The following ASAP1 variants were observed in gnomAD, a reference collection of about 807,000 sequenced individuals.
ASAP1 encodes arf-GAP with SH3 domain, ANK repeat and PH domain-containing protein 1.
Under a neutral mutation model 145.2 loss-of-function variants are expected in ASAP1, and 43 were observed. That is an observed-to-expected ratio of 0.30 (90% CI 0.23 to 0.38). The LOEUF is 0.38. Ranked by LOEUF, ASAP1 falls within the 10% of genes least tolerant of loss-of-function variation. The pLI is 1.00. For missense variants in ASAP1, 1,018 were observed against 1,355.3 expected, an observed-to-expected ratio of 0.75 and a Z score of 3.91; for synonymous variants, 546 against 515.5, an observed-to-expected ratio of 1.06 and a Z score of -0.80.
intron 27 of ASAP1, among the ~76,000 whole-genome samples, chr8:130,070,507 G>T (rs2097440840): frequency 1.3e-5 from 2 of 152,048 alleles, no homozygotes; most frequent in African/African-American, 4.8e-5. Context: ...GTGCTGGCAG[G>T]GACAAACTCT....
At chr8:130,395,555 C>T (rs980083500) in intron 2 of ASAP1, among the ~76,000 whole-genome samples, 3 of 152,182 alleles carry the variant, frequency 2.0e-5, no homozygotes, top group East Asian at 1.9e-4. Flanking sequence ...CTGCTGGTGA[C>T]ACCAGACACT....
intron 3 of ASAP1, among the ~76,000 whole-genome samples, chr8:130,321,037 G>T (rs138291073): frequency 6.6e-6 from 1 of 152,320 alleles, no homozygotes; most frequent in East Asian, 1.9e-4. Flanking sequence ...AATGCTGGCT[G>T]AGGAAACCTA....
At chr8:130,373,109 T>TACACAC (rs147535116) in intron 2 of ASAP1, among the ~76,000 whole-genome samples, 1,766 of 127,622 alleles carry the variant, frequency 0.014, 40 homozygotes, top group East Asian at 0.019. Context: ...CAGAAATACA[T>TACACAC]ATACACACAC....
At chr8:130,156,807 A>G (rs2097659027) in intron 12 of ASAP1, among the ~76,000 whole-genome samples, 1 of 152,244 alleles carries the variant, frequency 6.6e-6, no homozygotes. Context: ...TGGCAGGCAT[A>G]CACAGGTGCT....
At chr8:130,352,255 A>ATT (rs1586888203) in intron 3 of ASAP1, among the ~76,000 whole-genome samples, 2 of 148,528 alleles carry the variant, frequency 1.3e-5, no homozygotes, top group South Asian at 4.2e-4. Context: ...CTTGGGGGTA[A>ATT]TTAATGGGCT....
intron 3 of ASAP1, among the ~76,000 whole-genome samples, chr8:130,330,627 A>G (rs2994298): frequency 0.18 from 27,249 of 152,288 alleles, 2,855 homozygotes; most frequent in Non-Finnish European, 0.24. Context: ...CTTCATGAGC[A>G]TTTAAGGTTT....
rs139702752 is a variant in ASAP1, at chr8:130,070,227, C to T, written c.2701+6121G>A. On this transcript the variant is annotated intron_variant, in intron 27 of 29. Transcript: ENST00000518721. ...AATTTTTTCTATTTTTTAGTAGAGA[C>T]GGGGTTTCACCGTGTTAGCCAGGAT... Among the ~76,000 whole-genome samples the T allele has an allele frequency of 3.7e-3, 570 of 152,176 alleles. 26 individuals are homozygous for T. The East Asian group carries it at 0.083, about 22-fold the overall frequency.
At chr8:130,249,581 C>T (rs185520505) in intron 3 of ASAP1, among the ~76,000 whole-genome samples, 5 of 152,298 alleles carry the variant, frequency 3.3e-5, no homozygotes, top group Admixed American at 1.3e-4. Flanking sequence ...CACTGCCCCC[C>T]TTCCCCAATT....
chr8:130,090,911 A>G (rs1564947374), intron 25 of ASAP1, among the ~76,000 whole-genome samples: 1 of 152,230 alleles, frequency 6.6e-6, no homozygotes, highest in Admixed American at 6.5e-5. Context: ...GAAAGCCACA[A>G]TGAAACTCCA....
intron 3 of ASAP1, among the ~76,000 whole-genome samples, chr8:130,238,249 C>T (rs1218535031): frequency 6.6e-6 from 1 of 152,150 alleles, no homozygotes; most frequent in Non-Finnish European, 1.5e-5. Flanking sequence ...GAAACAAGGA[C>T]CACAATGCTC....
chr8:130,140,443 G>A (rs1341672565), intron 13 of ASAP1, among the ~76,000 whole-genome samples: 1 of 151,808 alleles, frequency 6.6e-6, no homozygotes, highest in African/African-American at 2.4e-5. Context: ...ACAGGGGTTT[G>A]TTGTACGTAT....
chr8:130,407,926 C>G (rs1829105944), intron 1 of ASAP1, among the ~76,000 whole-genome samples: 1 of 152,190 alleles, frequency 6.6e-6, no homozygotes, highest in South Asian at 2.1e-4. Flanking sequence ...TAATATCAAA[C>G]CAAGCACTTT....
chr8:130,294,580 C>T (rs1443160874), intron 3 of ASAP1, among the ~76,000 whole-genome samples: 1 of 152,202 alleles, frequency 6.6e-6, no homozygotes, highest in Admixed American at 6.5e-5. Context: ...TGAGATAATA[C>T]ATCTAAAGTA....
At chr8:130,394,287 C>T (rs941430865) in intron 2 of ASAP1, among the ~76,000 whole-genome samples, 7 of 152,158 alleles carry the variant, frequency 4.6e-5, no homozygotes, top group Admixed American at 3.3e-4. Flanking sequence ...AGAGAATGCG[C>T]CCCTGAGGGT....
intron 3 of ASAP1, among the ~76,000 whole-genome samples, chr8:130,273,646 C>G (rs1395816887): frequency 1.3e-5 from 2 of 152,150 alleles, no homozygotes; most frequent in Non-Finnish European, 1.5e-5. Context: ...GTCTACAAAC[C>G]TCACTTCCAG....
intron 26 of ASAP1, among the ~76,000 whole-genome samples, chr8:130,076,936 C>T (rs556473057): frequency 6.6e-6 from 1 of 152,362 alleles, no homozygotes; most frequent in Admixed American, 6.5e-5. Context: ...CCAACTCCTC[C>T]ACTTCAAAGC....
chr8:130,386,926 T>C (rs2138442654), intron 2 of ASAP1: 1 of 152,316 alleles, frequency 6.6e-6, no homozygotes, highest in African/African-American at 2.4e-5. Context: ...CAAGAAAACC[T>C]TTGTAGCTGT....
At position 130,237,003 on chromosome 8, in the gene ASAP1, G is replaced by C. The variant is rs758344493; in HGVS notation, c.187-9C>G. ...CTATCTTGGTCTAGAGCCTAAAAGA[G>C]AAAAAAGGGGGAAAAGATATTAGAA... On this transcript the variant is annotated splice_polypyrimidine_tract_variant and intron_variant, in intron 3 of 29. Coordinates refer to ENST00000518721, the MANE Select transcript of ASAP1 (RefSeq NM_018482.4). The C allele has an allele frequency of 1.9e-5, 30 of 1,552,006 alleles. No individual in the cohort carries two copies. The highest frequency in any genetic ancestry group is 2.4e-5 in the Non-Finnish European group (27 of 1,147,822).
chr8:130,174,420 T>G (rs942231661), intron 9 of ASAP1, among the ~76,000 whole-genome samples: 1 of 152,214 alleles, frequency 6.6e-6, no homozygotes, highest in African/African-American at 2.4e-5. Flanking sequence ...CTCTATAAAT[T>G]ACTGTAACAT....
Sources: gnomAD v4.1 joint callset for allele counts (sites outside exome capture counted in the v4.1 genomes callset) on GRCh38, gnomAD v4.1.1 for gene constraint, MANE v1.5 for transcripts, NCBI Gene and HGNC (gene_info 2026-07-23, HGNC 2026-07-21) for gene names.